MRPS35: variants seen among roughly 807,000 people sequenced by gnomAD.
The protein encoded by MRPS35 is small ribosomal subunit protein mS35.
Under a neutral mutation model 32.7 loss-of-function variants are expected in MRPS35, and 29 were observed. The ratio of observed to expected loss-of-function variants is 0.89; its 90% CI spans 0.66 to 1.21. The LOEUF is 1.21. Ranked by LOEUF, MRPS35 falls within the 50% of genes most tolerant of loss-of-function variation. The pLI is 0.00. For synonymous variants in MRPS35, 148 were observed against 139.3 expected (o/e 1.06, Z -0.44); for missense variants, 373 against 383.8 (o/e 0.97, Z 0.23).
intron 7 of MRPS35, among the ~76,000 whole-genome samples, chr12:27,747,001 A>G (rs938329286): frequency 2.6e-5 from 4 of 152,196 alleles, no homozygotes; most frequent in Non-Finnish European, 5.9e-5. Flanking sequence ...AGTCTCTTGT[A>G]CCATATTCCT....
intron 7 of MRPS35, among the ~76,000 whole-genome samples, chr12:27,751,846 G>A (rs922769906): frequency 1.5e-4 from 23 of 152,184 alleles, no homozygotes; most frequent in Admixed American, 9.2e-4. Context: ...ATAACAAGTG[G>A]GGGTGTGCGC....
chr12:27,723,863 A>G (rs1395882411), intron 4 of MRPS35, among the ~76,000 whole-genome samples, 184 bp from the exon 5 acceptor site: 1 of 152,208 alleles, frequency 6.6e-6, no homozygotes, highest in Admixed American at 6.5e-5. Flanking sequence ...AAATTGCCTA[A>G]TTTAGGATGT....
chr12:27,717,834 A>G (rs964997724), intron 3 of MRPS35, among the ~76,000 whole-genome samples: 1 of 152,240 alleles, frequency 6.6e-6, no homozygotes, highest in Non-Finnish European at 1.5e-5. Context: ...ATTTATTTGT[A>G]GTAATGGTGT....
At chr12:27,732,700 C>T (rs1555106340) in intron 5 of MRPS35, among the ~76,000 whole-genome samples, 1 of 152,058 alleles carries the variant, frequency 6.6e-6, no homozygotes, top group Non-Finnish European at 1.5e-5. Flanking sequence ...TTAAAAACAA[C>T]TTATATATAA....
At chr12:27,742,302 T>C (rs1395749171) in intron 7 of MRPS35, among the ~76,000 whole-genome samples, 3 of 152,252 alleles carry the variant, frequency 2.0e-5, no homozygotes, top group African/African-American at 7.2e-5. Context: ...ATGTTTGCTA[T>C]GTTTGTTCTC....
intron 5 of MRPS35, among the ~76,000 whole-genome samples, chr12:27,727,979 T>A (rs1244925766): frequency 6.6e-6 from 1 of 152,140 alleles, no homozygotes. Context: ...TATACTGTAT[T>A]TTAAGAATAT....
At position 27,734,242 on chromosome 12, in the gene MRPS35, C is replaced by CTTT. The variant is rs34818669; in HGVS notation, c.523-1190_523-1188dup. On this transcript the variant is annotated intron_variant, in intron 5 of 7. Coordinates refer to ENST00000081029, the MANE Select transcript of MRPS35 (RefSeq NM_021821.4). Reference sequence around the variant, plus strand: ...TCTGGTGTGTAACCTAACCTATCTTCTTTTTTTTTTTTTTTTTGAGGCAGA... The same window carrying CTTT: ...TCTGGTGTGTAACCTAACCTATCTTCTTTTTTTTTTTTTTTTTTTTGAGGCAGA... Among the ~76,000 whole-genome samples the CTTT allele has an allele frequency of 4.1e-4, 56 of 135,538 alleles. 1 individual carries two copies. The East Asian group carries it at 8.9e-3, about 21-fold the overall frequency. The allele number at this position is 135,538 out of a possible 152,430, so 88.9% of individuals were successfully genotyped here.
chr12:27,742,013 A>G (rs2061966009), intron 7 of MRPS35, among the ~76,000 whole-genome samples: 1 of 152,192 alleles, frequency 6.6e-6, no homozygotes, highest in Non-Finnish European at 1.5e-5. Context: ...CTGTAGTCCC[A>G]GTTTCTCTGG....
At chr12:27,745,588 C>CT (rs1309707093) in intron 7 of MRPS35, among the ~76,000 whole-genome samples, 1 of 150,992 alleles carries the variant, frequency 6.6e-6, no homozygotes, top group Non-Finnish European at 1.5e-5. Context: ...TTAAATTATA[C>CT]TTTAAGTTTT....
chr12:27,719,835 G>A lies in MRPS35; in HGVS notation c.349G>A (p.Val117Ile). The A allele has an allele frequency of 6.2e-7, 1 of 1,607,820 alleles. No homozygotes were observed. The highest frequency in any genetic ancestry group is 8.5e-7 in the Non-Finnish European group (1 of 1,175,420). The change falls in exon 4 of 8, where the codon GTA becomes ATA. Residue 117 changes from valine to isoleucine, a missense_variant. Physicochemically the swap from Val to Ile is conservative, Grantham distance 29. Coordinates refer to ENST00000081029, the MANE Select transcript of MRPS35 (RefSeq NM_021821.4). Reference sequence around the variant, plus strand: ...TCCCAATTTTCTGCATTTGACTCCTGTAGCAATTAAAAAGCACTGTGAAGC... The same window carrying A: ...TCCCAATTTTCTGCATTTGACTCCTATAGCAATTAAAAAGCACTGTGAAGC... ...KIPNFLHLTP[V>I]AIKKHCEALK...
chr12:27,754,256 C>G (rs1487350116), intron 7 of MRPS35, among the ~76,000 whole-genome samples: 1 of 150,776 alleles, frequency 6.6e-6, no homozygotes, highest in Admixed American at 6.6e-5. Flanking sequence ...TCTGTCTTGG[C>G]GGGGGAAAAA....
intron 4 of MRPS35, among the ~76,000 whole-genome samples, chr12:27,722,927 A>G (rs1423186388): frequency 6.6e-6 from 1 of 152,222 alleles, no homozygotes; most frequent in Non-Finnish European, 1.5e-5. Flanking sequence ...CGTTAGCCCA[A>G]GGAAATGTTA....
intron 5 of MRPS35, among the ~76,000 whole-genome samples, chr12:27,730,138 A>G (rs1200050258): frequency 6.6e-6 from 1 of 152,200 alleles, no homozygotes; most frequent in African/African-American, 2.4e-5. Flanking sequence ...CTGAATCAAT[A>G]TTGAATTTAT....
intron 7 of MRPS35, among the ~76,000 whole-genome samples, chr12:27,740,733 T>G (rs890702282): frequency 2.0e-5 from 3 of 152,224 alleles, no homozygotes; most frequent in Admixed American, 1.3e-4. Flanking sequence ...CAAAACAGTT[T>G]AACTATAGAA....
intron 1 of MRPS35, among the ~76,000 whole-genome samples, chr12:27,712,821 A>G (rs2061833754): frequency 6.6e-6 from 1 of 152,228 alleles, no homozygotes; most frequent in South Asian, 2.1e-4. Flanking sequence ...GTTTGAGACC[A>G]GCCTGGGCAA....
intron 5 of MRPS35, among the ~76,000 whole-genome samples, chr12:27,733,671 G>A: frequency 6.6e-6 from 1 of 151,928 alleles, no homozygotes; most frequent in East Asian, 1.9e-4. Context: ...CTTCATATTG[G>A]TTTTAATCAG....
At chr12:27,741,248 T>C (rs1372355635) in intron 7 of MRPS35, among the ~76,000 whole-genome samples, 2 of 152,180 alleles carry the variant, frequency 1.3e-5, no homozygotes, top group African/African-American at 4.8e-5. Context: ...TATTACGTAT[T>C]GTTAGCATTG....
chr12:27,735,582 T>C (rs1369641959), intron 6 of MRPS35, 26 bp downstream of exon 6: 1 of 1,517,250 alleles, frequency 6.6e-7, no homozygotes, highest in Non-Finnish European at 9.1e-7. Context: ...TTCAGCCGAC[T>C]GGTCACGTGT....
At chr12:27,735,035 A>G (rs930444179) in intron 5 of MRPS35, among the ~76,000 whole-genome samples, 1 of 152,220 alleles carries the variant, frequency 6.6e-6, no homozygotes, top group African/African-American at 2.4e-5. Context: ...TAGAACTTGT[A>G]ATGATGCAAG....
Sources: allele counts gnomAD v4.1 joint callset (sites outside exome capture counted in the v4.1 genomes callset), GRCh38; gene constraint gnomAD v4.1.1; transcripts MANE v1.5; gene names NCBI Gene and HGNC (gene_info 2026-07-23, HGNC 2026-07-21).